Variants in CENPL observed in about 807,000 individuals in gnomAD.
CENPL encodes the protein centromere protein L.
Under a neutral mutation model 35.2 loss-of-function variants are expected in CENPL, and 20 were observed. The ratio of observed to expected loss-of-function variants is 0.57; its 90% confidence interval spans 0.40 to 0.83. CENPL has a LOEUF of 0.83. Among genes scored for constraint, CENPL ranks in the 40% least tolerant of loss-of-function variants. The probability of loss-of-function intolerance (pLI) is 0.00; values close to 1 mark genes in which losing one functional copy is unlikely to be tolerated. For missense variants in CENPL, 363 were observed against 395.8 expected, an observed-to-expected ratio of 0.92 and a Z score of 0.70; for synonymous variants, 140 against 140.6, an observed-to-expected ratio of 1.00 and a Z score of 0.03.
chr1:173,804,209 C>T (rs1480139416), intron 4 of CENPL, among the ~76,000 whole-genome samples: 1 of 152,176 alleles, frequency 6.6e-6, no homozygotes, highest in African/African-American at 2.4e-5. Context: ...TTAAAATGTT[C>T]TTTTATATGT....
intron 2 of CENPL, among the ~76,000 whole-genome samples, chr1:173,815,313 A>G (rs948775219): frequency 2.0e-5 from 3 of 152,154 alleles, no homozygotes; most frequent in East Asian, 1.9e-4. Context: ...AGAAAAAGAG[A>G]GAATCCTCCC....
At position 173,807,267 on chromosome 1, in the gene CENPL, C is replaced by T; in HGVS notation, c.420G>A (p.Gln140=). 1.2e-6 allele frequency: 2 copies of T among 1,601,712 alleles called. No homozygotes were observed. The highest frequency in any genetic ancestry group is 1.7e-6 in the Non-Finnish European group (2 of 1,172,422). Residue 140 remains glutamine (Q), a splice_region_variant and synonymous_variant, in exon 4 of 6, where the codon CAG becomes CAA. Coordinates refer to ENST00000682279, the MANE Select transcript of CENPL (RefSeq NM_001387287.1). The part of the protein sequence containing the change: ...TQRDPEAFLV[Q]IVSKSQLPSE... ...AGCAAGAACTGTTTATGTATTATAC[C>T]TGGACAAGAAATGCTTCCGGGTCCC...
intron 2 of CENPL, among the ~76,000 whole-genome samples, chr1:173,817,059 C>G (rs992220528): frequency 6.6e-6 from 1 of 152,008 alleles, no homozygotes; most frequent in Non-Finnish European, 1.5e-5. Flanking sequence ...AATCGCTGAA[C>G]CCAAGGAGGC....
chr1:173,817,244 C>T (rs1485975957), intron 2 of CENPL, among the ~76,000 whole-genome samples: 1 of 152,014 alleles, frequency 6.6e-6, no homozygotes, highest in Non-Finnish European at 1.5e-5. Context: ...AAAATTTTTG[C>T]AATCTACCCA....
At chr1:173,821,939 A>G (rs7548171) in intron 2 of CENPL, 52,226 of 151,364 alleles carry the variant, frequency 0.35, 9,829 homozygotes, top group African/African-American at 0.51. Context: ...TCGAGTAGCT[A>G]GGACTACAAG....
At chr1:173,819,986 A>T (rs1651794270) in intron 2 of CENPL, among the ~76,000 whole-genome samples, 1 of 152,040 alleles carries the variant, frequency 6.6e-6, no homozygotes, top group Non-Finnish European at 1.5e-5. Flanking sequence ...TACAGGTGTG[A>T]GCCACCGCAC....
At chr1:173,807,566 T>A (rs1650351847) in intron 3 of CENPL, 48 bp from the exon 4 acceptor site, 1 of 1,386,058 alleles carries the variant, frequency 7.2e-7, no homozygotes, top group Admixed American at 2.3e-5. Context: ...TAGGAAACAA[T>A]AAGAATTTAA....
intron 2 of CENPL, among the ~76,000 whole-genome samples, chr1:173,820,633 C>A (rs898867066): frequency 6.6e-6 from 1 of 152,118 alleles, no homozygotes; most frequent in Non-Finnish European, 1.5e-5. Flanking sequence ...TAGAAATGTT[C>A]ATAGTAGCTT....
Position 173,820,078 on chromosome 1 carries a change from T to C in CENPL, c.-8+3848A>G, listed in dbSNP as rs562751520. Among the ~76,000 whole-genome samples, 309 of 152,162 alleles carry C rather than the reference T, an allele frequency of 2.0e-3. 12 individuals carry two copies. The South Asian group carries it at 0.061, about 30-fold the overall frequency. Reference sequence around the variant, plus strand: ...CCCAAAATGCTTGGGATCAAAAGTGTTTTTGAATTTCAGATTTTCTCAAAT... The same window carrying C: ...CCCAAAATGCTTGGGATCAAAAGTGCTTTTGAATTTCAGATTTTCTCAAAT... On this transcript the variant is annotated intron_variant, in intron 2 of 5. Transcript: ENST00000682279.
intron 2 of CENPL, among the ~76,000 whole-genome samples, chr1:173,821,239 C>T (rs959984325): frequency 2.0e-5 from 3 of 152,108 alleles, no homozygotes; most frequent in South Asian, 2.1e-4. Context: ...GATCATGCTC[C>T]CAGCTAACAA....
intron 4 of CENPL, 43 bp downstream of exon 4, chr1:173,807,224 A>G (rs1650314665): frequency 3.4e-6 from 5 of 1,471,826 alleles, no homozygotes; most frequent in African/African-American, 1.4e-5. Flanking sequence ...AACAAGACAT[A>G]ATACTTTTCC....
chr1:173,819,559 A>G (rs1651743016), intron 2 of CENPL, among the ~76,000 whole-genome samples: 1 of 152,228 alleles, frequency 6.6e-6, no homozygotes, highest in Non-Finnish European at 1.5e-5. Flanking sequence ...ACTGCACTCC[A>G]GCCTGGGTGA....
chr1:173,823,081 G>A (rs1018827674), intron 2 of CENPL: 1 of 152,164 alleles, frequency 6.6e-6, no homozygotes, highest in Non-Finnish European at 1.5e-5. Context: ...CCTCTTAGAT[G>A]TGGGCTTCAC....
chr1:173,818,018 G>T (rs1436195427), intron 2 of CENPL, among the ~76,000 whole-genome samples: 1 of 152,078 alleles, frequency 6.6e-6, no homozygotes, highest in Non-Finnish European at 1.5e-5. Flanking sequence ...GTCAGTGGCT[G>T]GGGGAGGGAT....
intron 4 of CENPL, among the ~76,000 whole-genome samples, chr1:173,806,209 T>C (rs1650211050): frequency 6.6e-6 from 1 of 152,268 alleles, no homozygotes; most frequent in Admixed American, 6.5e-5. Flanking sequence ...CCTTTTCAAC[T>C]GCTTGAGAAC....
intron 2 of CENPL, among the ~76,000 whole-genome samples, chr1:173,819,681 T>G (rs1651757470): frequency 1.3e-5 from 2 of 152,134 alleles, no homozygotes; most frequent in African/African-American, 4.8e-5. Context: ...TTACTATATT[T>G]ACTTATTTTA....
At chr1:173,806,499 A>C (rs1424946375) in intron 4 of CENPL, 1 of 444,190 alleles carries the variant, frequency 2.3e-6, no homozygotes. Flanking sequence ...TGGAAGGATC[A>C]CTTGAGCCCA....
At position 173,799,688 on chromosome 1, in the gene CENPL, C is replaced by T. The variant is rs16846418; in HGVS notation, c.*760G>A. ...GAGGGGATTTTGATTGCCAGTTCTC[C>T]GCAGTGAAATGCTAGGAAAATGTCT... On this transcript the variant is annotated 3_prime_UTR_variant, in exon 6 of 6. Transcript: ENST00000682279. The T allele has an allele frequency of 5.3e-5, 8 of 152,002 alleles. No homozygotes were observed. The highest frequency in any genetic ancestry group is 2.1e-4 in the South Asian group (1 of 4,816). The allele number at this position is 152,002 out of a possible 1,614,324, so 9.4% of individuals were successfully genotyped here.
intron 4 of CENPL, among the ~76,000 whole-genome samples, chr1:173,805,071 TAC>T (rs1460164577): frequency 6.6e-6 from 1 of 152,200 alleles, no homozygotes; most frequent in African/African-American, 2.4e-5. Flanking sequence ...TAGAACACTA[TAC>T]CAGGAATTCA....
Sources: allele counts gnomAD v4.1 joint callset (sites outside exome capture counted in the v4.1 genomes callset), GRCh38; gene constraint gnomAD v4.1.1; transcripts MANE v1.5; gene names NCBI Gene and HGNC (gene_info 2026-07-23, HGNC 2026-07-21).